GALNT2: variants seen among roughly 807,000 people sequenced by gnomAD.
The protein encoded by GALNT2 is UDP-GalNAc:polypeptide N-acetylgalactosaminyltransferase 2.
In GALNT2, 31 loss-of-function variants were observed where a neutral mutation model predicts 81.4. The observed-to-expected ratio is 0.38, with a 90% CI of 0.29 to 0.51. GALNT2 has a LOEUF of 0.51. Ranked by LOEUF, GALNT2 falls within the 20% of genes least tolerant of loss-of-function variation. GALNT2 has a pLI of 0.87. For synonymous variants in GALNT2, 303 were observed against 287.4 expected (o/e 1.05, Z -0.55); for missense variants, 629 against 765.7 (o/e 0.82, Z 2.11).
upstream of GALNT2, among the ~76,000 whole-genome samples, chr1:230,063,384 G>GTGTTT (rs1659094845): frequency 6.6e-6 from 1 of 151,606 alleles, no homozygotes; most frequent in African/African-American, 2.4e-5. Context: ...GGTTTTTGTT[G>GTGTTT]TGTTTTGTTT....
At chr1:230,158,917 G>A (rs1222141031) in intron 1 of GALNT2, among the ~76,000 whole-genome samples, 1 of 123,124 alleles carries the variant, frequency 8.1e-6, no homozygotes, top group African/African-American at 2.7e-5. Context: ...GACCTAGTGT[G>A]TCTGAGCAGT....
At chr1:230,145,176 T>G (rs1396827179) in intron 1 of GALNT2, among the ~76,000 whole-genome samples, 1 of 152,176 alleles carries the variant, frequency 6.6e-6, no homozygotes, top group East Asian at 1.9e-4. Context: ...AAGACTGTCC[T>G]TGGCACCCCC....
chr1:230,215,898 T>G (rs1017222403), intron 3 of GALNT2, among the ~76,000 whole-genome samples: 5 of 152,242 alleles, frequency 3.3e-5, no homozygotes, highest in African/African-American at 1.2e-4. Flanking sequence ...AAGTAAAGAA[T>G]GAACTGTTAT....
intron 1 of GALNT2, among the ~76,000 whole-genome samples, chr1:230,059,935 A>G (rs12088696): frequency 0.67 from 102,556 of 152,092 alleles, 36,463 homozygotes; most frequent in Admixed American, 0.79. Flanking sequence ...ACAGTTAGCA[A>G]AATCAGAAAA....
intron 13 of GALNT2, 53 bp from the exon 14 acceptor site, chr1:230,265,188 G>A (rs537851954): frequency 3.4e-5 from 54 of 1,611,314 alleles, no homozygotes; most frequent in South Asian, 2.7e-4. Context: ...GCTGGTGGAC[G>A]GGAGCTGGTG....
intron 11 of GALNT2, chr1:230,262,015 A>T (rs1430172590): frequency 1.3e-5 from 2 of 152,346 alleles, no homozygotes; most frequent in Middle Eastern, 3.4e-3. Flanking sequence ...ATCAAAAAAA[A>T]AAAAAGCTAG....
intron 2 of GALNT2, among the ~76,000 whole-genome samples, chr1:230,187,849 G>A (rs1439680482): frequency 4.7e-5 from 7 of 149,858 alleles, no homozygotes; most frequent in Admixed American, 4.0e-4. Context: ...CTGTCCCTCT[G>A]AAATCAAGCT....
chr1:230,274,512 C>G lies in GALNT2; in HGVS notation c.1508C>G (p.Ala503Gly). The G allele has an allele frequency of 1.2e-6, 2 of 1,614,044 alleles. No individual in the cohort carries two copies. Among genetic ancestry groups the G allele is most frequent in the East Asian group, 2.2e-5 (1 of 44,888 alleles). Residue 503 changes from alanine (A) to glycine (G), a missense_variant, in exon 15 of 16, where the codon GCA becomes GGA. Physicochemically the swap from Ala to Gly is moderately conservative, Grantham distance 60. Around this residue, in one of 3 missense-constraint regions of GALNT2, gnomAD observed 207 missense variants for 225.5 expected, o/e 0.92. Coordinates refer to ENST00000366672, the MANE Select transcript of GALNT2 (RefSeq NM_004481.5). ...TTGTGCCTTACTGTGGTGGACCGGGCACCGGGCTCTCTTATAAAGCTGCAG... is the reference window on the plus strand; with the variant it reads ...TTGTGCCTTACTGTGGTGGACCGGGGACCGGGCTCTCTTATAAAGCTGCAG... ...MDLCLTVVDR[A>G]PGSLIKLQGC...
chr1:230,150,855 G>T lies in GALNT2; in HGVS notation c.127-27363G>T, dbSNP rs574983439. On this transcript the variant is annotated intron_variant, in intron 1 of 15. Transcript: ENST00000366672. ...TGTGCAGTTTTCTGGATGGAAGCCT[G>T]CTGTCTTCTGAGCACAAAGGAATCC... Among the ~76,000 whole-genome samples the T allele has an allele frequency of 1.4e-4, 22 of 152,326 alleles. No individual in the cohort carries two copies. The South Asian group carries it at 4.3e-3, about 30-fold the overall frequency.
At chr1:230,076,903 CG>C (rs1289521401) in intron 1 of GALNT2, among the ~76,000 whole-genome samples, 5 of 152,282 alleles carry the variant, frequency 3.3e-5, no homozygotes, top group African/African-American at 1.2e-4. Context: ...TTCCTCTCTG[CG>C]TCAGAGACCA....
At chr1:230,187,277 A>G (rs2102693258) in intron 2 of GALNT2, among the ~76,000 whole-genome samples, 1 of 152,388 alleles carries the variant, frequency 6.6e-6, no homozygotes, top group East Asian at 1.9e-4. Flanking sequence ...ACACATATGT[A>G]TTAAAATGCT....
chr1:230,199,079 T>A (rs1291086640), intron 2 of GALNT2, among the ~76,000 whole-genome samples: 4 of 152,214 alleles, frequency 2.6e-5, no homozygotes, highest in African/African-American at 9.6e-5. Context: ...TATATTTTTA[T>A]TTTCTAAAGC....
chr1:230,268,011 G>A (rs968902631), intron 14 of GALNT2, among the ~76,000 whole-genome samples: 7 of 152,218 alleles, frequency 4.6e-5, no homozygotes, highest in Non-Finnish European at 8.8e-5. Context: ...TGATAACAGC[G>A]TGTTTATTTC....
chr1:230,159,595 A>G (rs999737577), intron 1 of GALNT2, among the ~76,000 whole-genome samples: 3 of 152,190 alleles, frequency 2.0e-5, no homozygotes, highest in Non-Finnish European at 4.4e-5. Flanking sequence ...CTGAGCCTAC[A>G]TGGGGTAGGG....
At chr1:230,128,809 C>T (rs1462242164) in intron 1 of GALNT2, among the ~76,000 whole-genome samples, 1 of 152,176 alleles carries the variant, frequency 6.6e-6, no homozygotes, top group Non-Finnish European at 1.5e-5. Flanking sequence ...CCTTCCTAAG[C>T]CCCCATCTTC....
intron 1 of GALNT2, among the ~76,000 whole-genome samples, chr1:230,097,153 T>A (rs1660276387): frequency 6.6e-6 from 1 of 152,224 alleles, no homozygotes; most frequent in Non-Finnish European, 1.5e-5. Context: ...CAATCCAGAT[T>A]GTTAAAACAC....
At position 230,072,214 on chromosome 1, in the gene GALNT2, T is replaced by C. The variant is rs115232113; in HGVS notation, c.126+4808T>C. On this transcript the variant is annotated intron_variant, in intron 1 of 15. Transcript: ENST00000366672. ...TGGGGAAGACATAATTTCTTCTTGC[T>C]ACTGCTCATGTTTCTTAGGGCTTTG... 9.1e-3 allele frequency among the ~76,000 whole-genome samples: 1,388 copies of C among 152,268 alleles called. 15 individuals are homozygous for C. The highest frequency in any genetic ancestry group is 0.032 in the African/African-American group (1,332 of 41,530).
chr1:230,223,532 G>C (rs1278482090), intron 3 of GALNT2, among the ~76,000 whole-genome samples: 2 of 148,824 alleles, frequency 1.3e-5, no homozygotes, highest in African/African-American at 2.5e-5. Flanking sequence ...ACAGTGGTGT[G>C]ATCTCGGCTT....
At chr1:230,168,511 G>C (rs1254168423) in intron 1 of GALNT2, among the ~76,000 whole-genome samples, 2 of 152,190 alleles carry the variant, frequency 1.3e-5, no homozygotes, top group African/African-American at 4.8e-5. Flanking sequence ...TTTATCAAGA[G>C]ATTTGTACCT....
Sources: gnomAD v4.1 joint callset for allele counts (sites outside exome capture counted in the v4.1 genomes callset) on GRCh38, gnomAD v4.1.1 for gene constraint, gnomAD v4.1.1 regional missense constraint, MANE v1.5 for transcripts, NCBI Gene and HGNC (gene_info 2026-07-23, HGNC 2026-07-21) for gene names.